Variants in SYCP3 observed in about 807,000 individuals in gnomAD.
The protein encoded by SYCP3 is synaptonemal complex protein 3.
In SYCP3, 29 loss-of-function variants were observed where a neutral mutation model predicts 38.5. That is an observed-to-expected ratio of 0.75 (90% CI 0.56 to 1.03). The LOEUF is 1.03. Ranked by LOEUF, SYCP3 falls within the 50% of genes least tolerant of loss-of-function variation. The pLI, the probability that SYCP3 is intolerant of heterozygous loss-of-function variation, is 0.00. For synonymous variants in SYCP3, 79 were observed against 80.3 expected, an observed-to-expected ratio of 0.98 and a Z score of 0.08; for missense variants, 242 against 270.7, an observed-to-expected ratio of 0.89 and a Z score of 0.74.
At chr12:101,735,871 A>ATATATATATATATATATATATATTTTTTT in intron 4 of SYCP3, among the ~76,000 whole-genome samples, 48 of 74,696 alleles carry the variant, frequency 6.4e-4, no homozygotes, top group African/African-American at 7.5e-4. Context: ...ATATATATAT[A>ATATATATATATATATATATATATTTTTTT]TTTTTTTTTT....
At position 101,728,678 on chromosome 12, in the gene SYCP3, G is replaced by GTGTT. The variant is rs1463873934; in HGVS notation, c.*245_*248dup. Reference sequence around the variant, plus strand: ...TTAAATCGTCTTTATTTAATTGACAGTGTTAGAGAGAAAAATTCACTATCA... The same window carrying GTGTT: ...TTAAATCGTCTTTATTTAATTGACAGTGTTTGTTAGAGAGAAAAATTCACTATCA... On this transcript the variant is annotated 3_prime_UTR_variant, in exon 9 of 9. Transcript: ENST00000392924. 1.2e-5 allele frequency: 6 copies of GTGTT among 507,236 alleles called. No homozygotes were observed. The highest frequency in any genetic ancestry group is 1.0e-5 in the Non-Finnish European group (3 of 291,418). The allele number at this position is 507,236 out of a possible 1,614,324, so 31.4% of individuals were successfully genotyped here.
intron 4 of SYCP3, among the ~76,000 whole-genome samples, chr12:101,735,871 A>ATATATATATATATTTTTTTTTTTTTTT: frequency 2.0e-3 from 151 of 74,562 alleles, no homozygotes; most frequent in Non-Finnish European, 2.8e-3. Flanking sequence ...ATATATATAT[A>ATATATATATATATTTTTTTTTTTTTTT]TTTTTTTTTT....
In SYCP3 at chr12:101,737,904, T is replaced by A. The variant is rs148305711; in HGVS notation, c.32A>T (p.Lys11Ile). MVSSGKKYSRKSGKPSVEDQF... is the reference protein window; with the variant it reads MVSSGKKYSRISGKPSVEDQF... ...ATCTTCCACAGACGGCTTCCCAGAT[T>A]TCCTGGAATACTTTTTTCCGGAGGA... Residue 11 changes from lysine (K) to isoleucine (I), a missense_variant, in exon 2 of 9, where the codon AAA becomes ATA. Transcript: ENST00000392924. 97 of 1,614,062 alleles carry A rather than the reference T, an allele frequency of 6.0e-5. No individual in the cohort carries two copies. The highest frequency in any genetic ancestry group is 7.3e-5 in the Non-Finnish European group (86 of 1,180,026).
Position 101,729,101 on chromosome 12 carries a change from TCACTTA to T in SYCP3, c.657+2_657+7del. 1 of 1,608,850 alleles carries T rather than the reference TCACTTA, an allele frequency of 6.2e-7. No homozygotes were observed. Among genetic ancestry groups the T allele is most frequent in the Non-Finnish European group, 8.5e-7 (1 of 1,176,004 alleles). On this transcript the variant is annotated splice_donor_variant and splice_donor_5th_base_variant and intron_variant, in intron 8 of 8. Transcript: ENST00000392924. LOFTEE classifies it high-confidence loss of function. ...CCTTATTTTTTCAATTTCAATATGA[TCACTTA>T]CAGTTTCCATCATAATTTTTTTTTG... is the stretch of plus-strand genomic sequence containing the variant.
intron 1 of SYCP3, among the ~76,000 whole-genome samples, chr12:101,739,006 C>T (rs1031487029): frequency 1.3e-5 from 2 of 152,352 alleles, no homozygotes; most frequent in African/African-American, 2.4e-5. Context: ...GGAAAATGAA[C>T]ACAGGCAGAA....
chr12:101,736,903 AC>A, intron 4 of SYCP3, 133 bp downstream of exon 4: 1 of 801,730 alleles, frequency 1.2e-6, no homozygotes, highest in Non-Finnish European at 2.0e-6. Flanking sequence ...AATCACAAAT[AC>A]TTATGCAGAA....
intron 4 of SYCP3, 64 bp from the exon 5 acceptor site, chr12:101,735,108 TCAAG>T: frequency 5.5e-6 from 6 of 1,090,008 alleles, no homozygotes; most frequent in Non-Finnish European, 8.3e-6. Context: ...TCCCACATAT[TCAAG>T]TAAATATGGG....
At chr12:101,739,023 G>A (rs956029817) in intron 1 of SYCP3, among the ~76,000 whole-genome samples, 61 of 152,214 alleles carry the variant, frequency 4.0e-4, no homozygotes, top group Admixed American at 2.6e-4. Flanking sequence ...AGAAGATTTC[G>A]ACAACAAATA....
intron 7 of SYCP3, 55 bp downstream of exon 7, chr12:101,731,513 T>C: frequency 8.2e-7 from 1 of 1,215,812 alleles, no homozygotes; most frequent in African/African-American, 1.5e-5. Context: ...ATCTTCTACT[T>C]CCATAAATAT....
At chr12:101,737,586 G>A in intron 2 of SYCP3, 5 of 692,814 alleles carry the variant, frequency 7.2e-6, no homozygotes, top group South Asian at 5.6e-5. Flanking sequence ...AAGAGTTGCC[G>A]AATAAGCTTC....
chr12:101,731,702 A>T (rs747413956), intron 6 of SYCP3, 36 bp from the exon 7 acceptor site: 1 of 1,438,684 alleles, frequency 7.0e-7, no homozygotes, highest in Non-Finnish European at 9.4e-7. Flanking sequence ...GTGTAATAAC[A>T]ATTTGGGTAA....
chr12:101,737,787 A>G lies in SYCP3; in HGVS notation c.133+16T>C. The stretch of plus-strand genomic sequence containing the variant: ...GAACTGAAGGACATCACTGCCCAAC[A>G]TGAGATGTACTGCACCTTCAATAAC... On this transcript the variant is annotated intron_variant, in intron 2 of 8. Transcript: ENST00000392924. The G allele has an allele frequency of 6.2e-7, 1 of 1,614,088 alleles. No individual in the cohort carries two copies. Among genetic ancestry groups the G allele is most frequent in the Non-Finnish European group, 8.5e-7 (1 of 1,179,980 alleles).
At position 101,729,093 on chromosome 12, in the gene SYCP3, C is replaced by T; in HGVS notation, c.657+16G>A. Reference sequence around the variant, plus strand: ...ATATTAATCCTTATTTTTTCAATTTCAATATGATCACTTACAGTTTCCATC... The same window carrying T: ...ATATTAATCCTTATTTTTTCAATTTTAATATGATCACTTACAGTTTCCATC... On this transcript the variant is annotated intron_variant, in intron 8 of 8. Transcript: ENST00000392924. 1 of 1,608,086 alleles carries T rather than the reference C, an allele frequency of 6.2e-7. No homozygotes were observed. The highest frequency in any genetic ancestry group is 1.1e-5 in the South Asian group (1 of 90,624).
At chr12:101,735,851 T>TTTATATATATATATATATATATATATA (rs1952394180) in intron 4 of SYCP3, among the ~76,000 whole-genome samples, 1 of 96,084 alleles carries the variant, frequency 1.0e-5, no homozygotes, top group South Asian at 3.3e-4. Context: ...ATAATCAATT[T>TTTATATATATATATATATATATATATA]TATATATATA....
intron 2 of SYCP3, 171 bp from the exon 3 acceptor site, chr12:101,737,469 C>T: frequency 1.4e-6 from 1 of 702,548 alleles, no homozygotes; most frequent in Non-Finnish European, 2.4e-6. Context: ...GAAATTAAAT[C>T]AGGATTCAGG....
At chr12:101,730,471 A>AT in intron 7 of SYCP3, 1 of 422,844 alleles carries the variant, frequency 2.4e-6, no homozygotes, top group Non-Finnish European at 4.6e-6. Flanking sequence ...ATACTTTTTA[A>AT]AATAACATGT....
At chr12:101,735,256 T>G (rs959348803) in intron 4 of SYCP3, among the ~76,000 whole-genome samples, 1 of 152,198 alleles carries the variant, frequency 6.6e-6, no homozygotes, top group Non-Finnish European at 1.5e-5. Context: ...AAATTCTGAT[T>G]TTCCTAACTG....
In SYCP3 at chr12:101,735,869, A is replaced by T. The variant is rs11110989; in HGVS notation, c.236-825T>A. Reference sequence around the variant, plus strand: ...ATCAATTTTATATATATATATATATATATTTTTTTTTTTTTAAAGACACGG... The same window carrying T: ...ATCAATTTTATATATATATATATATTTATTTTTTTTTTTTTAAAGACACGG... On this transcript the variant is annotated intron_variant, in intron 4 of 8. Coordinates refer to ENST00000392924, the MANE Select transcript of SYCP3 (RefSeq NM_001177949.2). Among the ~76,000 whole-genome samples, 135 of 60,090 alleles carry T rather than the reference A, an allele frequency of 2.2e-3. 4 individuals carry two copies. The highest frequency in any genetic ancestry group is 6.5e-3 in the African/African-American group (83 of 12,810). The allele number at this position is 60,090 out of a possible 152,430, so 39.4% of individuals were successfully genotyped here.
At chr12:101,735,867 A>ATTT (rs1179118220) in intron 4 of SYCP3, among the ~76,000 whole-genome samples, 2 of 63,098 alleles carry the variant, frequency 3.2e-5, no homozygotes, top group East Asian at 9.8e-4. Context: ...ATATATATAT[A>ATTT]TATATTTTTT....
Sources: gnomAD v4.1 joint callset for allele counts (sites outside exome capture counted in the v4.1 genomes callset) on GRCh38, gnomAD v4.1.1 for gene constraint, MANE v1.5 for transcripts, NCBI Gene and HGNC (gene_info 2026-07-23, HGNC 2026-07-21) for gene names.